The following YJU2B variants were observed in gnomAD, a reference collection of about 807,000 sequenced individuals.
YJU2B encodes YJU2 splicing factor homolog B.
Under a neutral mutation model 38.0 loss-of-function variants are expected in YJU2B, and 18 were observed. The ratio of observed to expected loss-of-function variants is 0.47; its 90% confidence interval spans 0.33 to 0.70. The LOEUF (loss-of-function observed/expected upper bound fraction) is 0.70. YJU2B is among the 30% of genes least tolerant of loss of function. The probability of loss-of-function intolerance (pLI) is 0.02; values close to 1 mark genes in which losing one functional copy is unlikely to be tolerated. For synonymous variants in YJU2B, 246 were observed against 225.4 expected (o/e 1.09, Z -0.82); for missense variants, 538 against 556.3 (o/e 0.97, Z 0.33).
At chr19:13,742,294 CTTTTTTTTTTTTT>C (rs552865402) in intron 2 of YJU2B, among the ~76,000 whole-genome samples, 6 of 111,976 alleles carry the variant, frequency 5.4e-5, no homozygotes, top group East Asian at 2.8e-4. Context: ...TTGAGTCCCA[CTTTTTTTTTTTTT>C]TTTTTTTTTT....
Position 13,762,621 on chromosome 19 carries a change from C to G in YJU2B, c.744C>G (p.Thr248=). The G allele has an allele frequency of 6.5e-7, 1 of 1,532,814 alleles. No homozygotes were observed. Among genetic ancestry groups the G allele is most frequent in the Non-Finnish European group, 8.7e-7 (1 of 1,148,354 alleles). 95.0% of individuals were successfully genotyped at this position (1,532,814 alleles called of 1,614,324 possible). ...AGGACAAGCAGAAACTCAAGCGGAC[C>G]GAGATCATCAGCCGCTCCTGGTTCC... ...SYEDKQKLKR[T]EIISRSWFPS... The change falls in exon 10 of 10, where the codon ACC becomes ACG. Residue 248 remains threonine, a synonymous_variant. Coordinates refer to ENST00000221554, the MANE Select transcript of YJU2B (RefSeq NM_030818.4).
At chr19:13,759,325 C>G in intron 8 of YJU2B, 53 bp downstream of exon 8, 1 of 1,447,700 alleles carries the variant, frequency 6.9e-7, no homozygotes, top group Non-Finnish European at 9.4e-7. Flanking sequence ...GACCAAGGCC[C>G]GGGTCCAGCC....
At chr19:13,743,824 T>C (rs553796575), upstream of YJU2B, among the ~76,000 whole-genome samples, 105 of 149,954 alleles carry the variant, frequency 7.0e-4, no homozygotes, top group African/African-American at 2.5e-3. Context: ...ACCTGGGAGG[T>C]TGAGGTTGCA....
intron 8 of YJU2B, among the ~76,000 whole-genome samples, chr19:13,760,181 C>T (rs927822242): frequency 5.3e-5 from 8 of 152,030 alleles, no homozygotes; most frequent in African/African-American, 1.7e-4. Flanking sequence ...CCGTGGCCTA[C>T]CCAAAGTGCT....
chr19:13,757,325 C>T, intron 4 of YJU2B, 93 bp from the exon 5 acceptor site: 2 of 1,058,132 alleles, frequency 1.9e-6, no homozygotes, highest in South Asian at 1.3e-5. Context: ...TACCCCACCC[C>T]TCAAATCACA....
chr19:13,763,222 T>C lies in YJU2B; in HGVS notation c.*154T>C, dbSNP rs745784606. 8.4e-6 allele frequency: 5 copies of C among 593,846 alleles called. No individual in the cohort carries two copies. The highest frequency in any genetic ancestry group is 1.4e-5 in the Non-Finnish European group (5 of 344,956). 36.8% of individuals were successfully genotyped at this position (593,846 alleles called of 1,614,324 possible). ...CCGCGCCTTCCTGCAACCGTGGAGTTATTTATTTGGTCCTGGTGAGGGTGT... is the reference window on the plus strand; with the variant it reads ...CCGCGCCTTCCTGCAACCGTGGAGTCATTTATTTGGTCCTGGTGAGGGTGT... On this transcript the variant is annotated 3_prime_UTR_variant, in exon 10 of 10. Transcript: ENST00000221554.
rs2145151224 is a variant in YJU2B at position 13,756,374 on chromosome 19, G to A, written c.140+95G>A. On this transcript the variant is annotated intron_variant, in intron 4 of 9. Transcript: ENST00000221554. ...GCCCTCATTGGCCCAGTGCTGCAGG[G>A]TCTTCATTCCATAAAGCAGAAAGTC... 3.2e-6 allele frequency: 3 copies of A among 923,298 alleles called. No individual in the cohort carries two copies. The East Asian group carries it at 7.4e-5, about 23-fold the overall frequency. The allele number at this position is 923,298 out of a possible 1,614,324, so 57.2% of individuals were successfully genotyped here. A position where few individuals can be genotyped will look rare whatever the true frequency, so the allele number is the denominator to read the frequency against.
chr19:13,741,493 C>T lies in YJU2B; in HGVS notation c.-202+9208C>T, dbSNP rs139787613. Among the ~76,000 whole-genome samples the T allele has an allele frequency of 4.3e-3, 655 of 151,596 alleles. 3 individuals are homozygous for T. The highest frequency in any genetic ancestry group is 0.015 in the African/African-American group (634 of 41,342). ...AGAGATGGGGTCTTTCTTTGATGCC[C>T]AGGCTGGAGTGGTGGGAGGATGACT... On this transcript the variant is annotated intron_variant, in intron 2 of 10. Transcript: ENST00000586600.
In YJU2B at chr19:13,738,708, G is replaced by A. The variant is rs545234258; in HGVS notation, c.-202+6423G>A. The stretch of plus-strand genomic sequence containing the variant: ...AGATCGAGACTATCCTGGCTAACAC[G>A]GTGAAACCCCGTCTCTACTAAAAAT... On this transcript the variant is annotated intron_variant, in intron 2 of 10. Coordinates refer to the YJU2B transcript ENST00000586600. 5.9e-5 allele frequency among the ~76,000 whole-genome samples: 9 copies of A among 152,136 alleles called. No homozygotes were observed. In the East Asian group the frequency reaches 7.7e-4, roughly 13 times the overall value.
intron 2 of YJU2B, among the ~76,000 whole-genome samples, chr19:13,733,304 GC>G (rs1040963904): frequency 6.6e-6 from 1 of 152,128 alleles, no homozygotes; most frequent in African/African-American, 2.4e-5. Context: ...TTCAAACTGA[GC>G]TATTTTGATT....
intron 2 of YJU2B, among the ~76,000 whole-genome samples, chr19:13,738,578 G>T (rs1488415747): frequency 6.6e-6 from 1 of 152,110 alleles, no homozygotes; most frequent in African/African-American, 2.4e-5. Flanking sequence ...GGCCAACACG[G>T]TGAAACCCCG....
At chr19:13,761,108 G>A (rs1053337943) in intron 8 of YJU2B, among the ~76,000 whole-genome samples, 3 of 152,000 alleles carry the variant, frequency 2.0e-5, no homozygotes, top group African/African-American at 2.4e-5. Flanking sequence ...GGCTGGGCGC[G>A]GTGGCTCACA....
intron 2 of YJU2B, among the ~76,000 whole-genome samples, chr19:13,738,439 C>T (rs1973010001): frequency 6.6e-6 from 1 of 152,142 alleles, no homozygotes; most frequent in Non-Finnish European, 1.5e-5. Context: ...ACAGAAGTTT[C>T]TTGTGTTGAG....
At position 13,751,890 on chromosome 19, in the gene YJU2B, C is replaced by G. The variant is rs939619964; in HGVS notation, c.3+79C>G. 2.0e-5 allele frequency: 27 copies of G among 1,373,494 alleles called. No individual in the cohort carries two copies. In the East Asian group the frequency reaches 6.2e-4, roughly 31 times the overall value. The allele number at this position is 1,373,494 out of a possible 1,614,324, so 85.1% of individuals were successfully genotyped here. A position where few individuals can be genotyped will look rare whatever the true frequency, so the allele number is the denominator to read the frequency against. On this transcript the variant is annotated intron_variant, in intron 2 of 9. Coordinates refer to ENST00000221554, the MANE Select transcript of YJU2B (RefSeq NM_030818.4). ...CTGGAAGCAGCCCCTCCTCCCCTCC[C>G]AGAGCTCTAAGATGATGATTTCAAT...
At chr19:13,759,814 T>TTTTTA (rs1973820620) in intron 8 of YJU2B, among the ~76,000 whole-genome samples, 1 of 149,670 alleles carries the variant, frequency 6.7e-6, no homozygotes, top group Admixed American at 6.7e-5. Context: ...TTTTTTTTTT[T>TTTTTA]GAGACTGAGT....
At chr19:13,759,770 G>A (rs1486095136) in intron 8 of YJU2B, 1 of 150,278 alleles carries the variant, frequency 6.7e-6, no homozygotes, top group East Asian at 2.0e-4. Flanking sequence ...AGGAATTATA[G>A]GTACCCACCA....
upstream of YJU2B, among the ~76,000 whole-genome samples, chr19:13,746,291 A>T (rs1973248900): frequency 6.6e-6 from 1 of 152,140 alleles, no homozygotes; most frequent in Non-Finnish European, 1.5e-5. Context: ...ACCTGTGCAG[A>T]AGGCAGGGCC....
chr19:13,756,128 G>A lies in YJU2B; in HGVS notation c.58-69G>A, dbSNP rs189463829. On this transcript the variant is annotated intron_variant, in intron 3 of 9. Coordinates refer to ENST00000221554, the MANE Select transcript of YJU2B (RefSeq NM_030818.4). ...GTGAGACACTTGTCCCAAAGCAGTG[G>A]GGGTGGCAGAAAATTGTGAGCTCCT... 975 of 1,219,700 alleles carry A rather than the reference G, an allele frequency of 8.0e-4. 9 individuals carry two copies. In the African/African-American group the frequency reaches 0.012, roughly 15 times the overall value. The allele number at this position is 1,219,700 out of a possible 1,614,324, so 75.6% of individuals were successfully genotyped here.
At position 13,757,774 on chromosome 19, in the gene YJU2B, A is replaced by AC. The variant is rs148871614; in HGVS notation, c.197-7dup. 779 of 1,613,444 alleles carry AC rather than the reference A, an allele frequency of 4.8e-4. 4 individuals are homozygous for AC. The African/African-American group carries it at 8.3e-3, about 17-fold the overall frequency. ...GCAATGAAATTACCACCCCCGCCTG[A>AC]CCCCCTTCCAGGTGTTCGTTACAAT... On this transcript the variant is annotated splice_polypyrimidine_tract_variant and intron_variant, in intron 5 of 9. Coordinates refer to ENST00000221554, the MANE Select transcript of YJU2B (RefSeq NM_030818.4).
Sources: allele counts gnomAD v4.1 joint callset (sites outside exome capture counted in the v4.1 genomes callset), GRCh38; gene constraint gnomAD v4.1.1; transcripts MANE v1.5; gene names NCBI Gene and HGNC (gene_info 2026-07-23, HGNC 2026-07-21).